ATP6V1H: variants seen among roughly 807,000 people sequenced by gnomAD.
ATP6V1H encodes the protein ATPase H+ transporting V1 subunit H.
Under a neutral mutation model 71.7 loss-of-function variants are expected in ATP6V1H, and 39 were observed. The ratio of observed to expected loss-of-function variants is 0.54; its 90% CI spans 0.42 to 0.71. ATP6V1H has a LOEUF of 0.71. Ranked by LOEUF, ATP6V1H falls within the 30% of genes least tolerant of loss-of-function variation. ATP6V1H has a pLI of 0.00. For missense variants in ATP6V1H, 509 were observed against 594.9 expected (o/e 0.86, Z 1.50); for synonymous variants, 192 against 199.3 (o/e 0.96, Z 0.31).
At chr8:53,744,164 C>T (rs568120564) in intron 12 of ATP6V1H, among the ~76,000 whole-genome samples, 2 of 152,078 alleles carry the variant, frequency 1.3e-5, no homozygotes, top group Admixed American at 6.5e-5. Context: ...TTAAAGAGCA[C>T]CCATGCTAAT....
At chr8:53,716,692 G>A (rs1447707270) in intron 13 of ATP6V1H, among the ~76,000 whole-genome samples, 1 of 152,172 alleles carries the variant, frequency 6.6e-6, no homozygotes, top group African/African-American at 2.4e-5. Context: ...GGGGCTCAGA[G>A]CAGTGGTCCC....
At chr8:53,812,082 T>C (rs778922450) in intron 6 of ATP6V1H, among the ~76,000 whole-genome samples, 32 of 152,062 alleles carry the variant, frequency 2.1e-4, no homozygotes, top group Non-Finnish European at 3.5e-4. Flanking sequence ...TCACAAATAA[T>C]TGTTACTTTT....
chr8:53,779,628 T>C (rs866958491), intron 9 of ATP6V1H, among the ~76,000 whole-genome samples: 1 of 152,030 alleles, frequency 6.6e-6, no homozygotes, highest in South Asian at 2.1e-4. Flanking sequence ...CAAATTATTT[T>C]CTGAGAGGGG....
intron 12 of ATP6V1H, among the ~76,000 whole-genome samples, chr8:53,756,069 C>CTTTTTTTTTTTTTTTT (rs199967847): frequency 6.2e-5 from 6 of 96,542 alleles, no homozygotes; most frequent in Non-Finnish European, 1.0e-4. Context: ...TTTTTCTTTT[C>CTTTTTTTTTTTTTTTT]TTTTTTTTTT....
At chr8:53,812,601 T>C (rs1254242966) in intron 6 of ATP6V1H, among the ~76,000 whole-genome samples, 1 of 152,228 alleles carries the variant, frequency 6.6e-6, no homozygotes, top group Non-Finnish European at 1.5e-5. Flanking sequence ...CATTCTTCCC[T>C]ACCAATTTTC....
intron 4 of ATP6V1H, among the ~76,000 whole-genome samples, chr8:53,822,209 T>A (rs1234992394): frequency 6.6e-6 from 1 of 152,114 alleles, no homozygotes; most frequent in South Asian, 2.1e-4. Flanking sequence ...ACTGTACACA[T>A]AAGACATTCC....
chr8:53,726,112 GT>G (rs1436713017), intron 13 of ATP6V1H, among the ~76,000 whole-genome samples: 2 of 152,098 alleles, frequency 1.3e-5, no homozygotes, highest in Non-Finnish European at 2.9e-5. Flanking sequence ...CTTTGAAAAA[GT>G]TGTTACTCTT....
chr8:53,774,150 G>C (rs904081238), intron 9 of ATP6V1H, among the ~76,000 whole-genome samples: 41 of 152,178 alleles, frequency 2.7e-4, no homozygotes, highest in African/African-American at 9.7e-4. Flanking sequence ...TTCAATCTCA[G>C]AGAAATTTTC....
rs1203746567 is a variant in ATP6V1H, at chr8:53,778,787, T to C, written c.871-6620A>G. On this transcript the variant is annotated intron_variant, in intron 9 of 13. Transcript: ENST00000359530. ...AGTTAAGAGGCAGAAATTATTTGAA[T>C]AGATAAAAGTTTAAGACCCAAGGAT... is the stretch of plus-strand genomic sequence containing the variant. Among the ~76,000 whole-genome samples the C allele has an allele frequency of 3.9e-5, 6 of 152,156 alleles. No individual in the cohort carries two copies. In the East Asian group the frequency reaches 7.7e-4, roughly 19 times the overall value.
intron 12 of ATP6V1H, among the ~76,000 whole-genome samples, chr8:53,744,105 G>C (rs1001705112): frequency 6.6e-6 from 1 of 151,864 alleles, no homozygotes; most frequent in Non-Finnish European, 1.5e-5. Flanking sequence ...ACCAGTGACC[G>C]TGCTGCGTGA....
intron 7 of ATP6V1H, among the ~76,000 whole-genome samples, chr8:53,809,999 A>C (rs539152456): frequency 8.5e-5 from 13 of 152,324 alleles, no homozygotes; most frequent in African/African-American, 3.1e-4. Flanking sequence ...AGAGAAGCCC[A>C]GCTTCAAAAT....
chr8:53,839,682 C>G (rs1478827001), intron 2 of ATP6V1H: 6 of 985,406 alleles, frequency 6.1e-6, no homozygotes, highest in South Asian at 9.4e-5. Flanking sequence ...TTCTAACTCC[C>G]GGCTACAAGA....
At position 53,743,829 on chromosome 8, in the gene ATP6V1H, T is replaced by C. The variant is rs1372826642; in HGVS notation, c.1278-139A>G. 5 of 592,108 alleles carry C rather than the reference T, an allele frequency of 8.4e-6. No individual in the cohort carries two copies. The East Asian group carries it at 1.4e-4, about 17-fold the overall frequency. The allele number at this position is 592,108 out of a possible 1,614,324, so 36.7% of individuals were successfully genotyped here. A position where few individuals can be genotyped will look rare whatever the true frequency, so the allele number is the denominator to read the frequency against. On this transcript the variant is annotated intron_variant, in intron 12 of 13. Coordinates refer to ENST00000359530, the MANE Select transcript of ATP6V1H (RefSeq NM_015941.4). Reference sequence around the variant, plus strand: ...TAAACCAAACGTGTCTTTTTTTACATCATTTTCCCTGAACCATAGATTTAC... The same window carrying C: ...TAAACCAAACGTGTCTTTTTTTACACCATTTTCCCTGAACCATAGATTTAC...
At chr8:53,765,591 A>AT (rs1471065623) in intron 11 of ATP6V1H, among the ~76,000 whole-genome samples, 5 of 152,234 alleles carry the variant, frequency 3.3e-5, no homozygotes, top group Admixed American at 2.6e-4. Context: ...TGCAAGATCT[A>AT]TAAGAGGAAA....
chr8:53,769,474 T>C (rs959121310), intron 11 of ATP6V1H, 144 bp downstream of exon 11: 5 of 753,042 alleles, frequency 6.6e-6, no homozygotes, highest in Middle Eastern at 3.9e-4. Context: ...CAAAAGGATA[T>C]GAAAAGGCAT....
In ATP6V1H at chr8:53,773,939, G is replaced by T. The variant is rs144148228; in HGVS notation, c.871-1772C>A. Among the ~76,000 whole-genome samples, 978 of 152,214 alleles carry T rather than the reference G, an allele frequency of 6.4e-3. 5 individuals are homozygous for T. Among genetic ancestry groups the T allele is most frequent in the African/African-American group, 0.023 (944 of 41,520 alleles). On this transcript the variant is annotated intron_variant, in intron 9 of 13. Coordinates refer to ENST00000359530, the MANE Select transcript of ATP6V1H (RefSeq NM_015941.4). ...GAGATAAAACAGAAAAAGAGTAAGTGAACTTGAAAATAGGTTAAAGTTATC... is the reference window on the plus strand; with the variant it reads ...GAGATAAAACAGAAAAAGAGTAAGTTAACTTGAAAATAGGTTAAAGTTATC...
At chr8:53,824,438 C>T (rs1354516659) in intron 4 of ATP6V1H, among the ~76,000 whole-genome samples, 1 of 152,014 alleles carries the variant, frequency 6.6e-6, no homozygotes, top group East Asian at 1.9e-4. Context: ...AAATTGTAAA[C>T]CAATTACACA....
chr8:53,782,356 G>T (rs1809180643), intron 9 of ATP6V1H, among the ~76,000 whole-genome samples: 1 of 152,034 alleles, frequency 6.6e-6, no homozygotes, highest in Non-Finnish European at 1.5e-5. Flanking sequence ...TGTTACTGGT[G>T]TATAGGAATG....
intron 12 of ATP6V1H, among the ~76,000 whole-genome samples, chr8:53,746,618 C>A (rs1234263534): frequency 6.6e-6 from 1 of 152,132 alleles, no homozygotes; most frequent in African/African-American, 2.4e-5. Context: ...ACTCTCCACC[C>A]CAGAGCCCAG....
Sources: gnomAD v4.1 joint callset for allele counts (sites outside exome capture counted in the v4.1 genomes callset) on GRCh38, gnomAD v4.1.1 for gene constraint, MANE v1.5 for transcripts, NCBI Gene and HGNC (gene_info 2026-07-23, HGNC 2026-07-21) for gene names.